MTMR3: variants seen among roughly 807,000 people sequenced by gnomAD.
MTMR3 encodes the protein myotubularin related protein 3, also known as phosphatidylinositol-3,5-bisphosphate 3-phosphatase MTMR3.
A neutral mutation model predicts 132.4 loss-of-function variants in MTMR3; 32 were observed. The ratio of observed to expected loss-of-function variants is 0.24; its 90% CI spans 0.18 to 0.32. The LOEUF (loss-of-function observed/expected upper bound fraction) is 0.32, where lower values mean the gene tolerates loss of function less well. Ranked by LOEUF, MTMR3 falls within the 10% of genes least tolerant of loss-of-function variation. The pLI is 1.00. For synonymous variants in MTMR3, 556 were observed against 550.3 expected, an observed-to-expected ratio of 1.01 and a Z score of -0.14; for missense variants, 1,216 against 1,489.6, an observed-to-expected ratio of 0.82 and a Z score of 3.02.
At chr22:29,966,900 CA>C (rs1165240169) in intron 2 of MTMR3, among the ~76,000 whole-genome samples, 1 of 152,080 alleles carries the variant, frequency 6.6e-6, no homozygotes, top group African/African-American at 2.4e-5. Context: ...TGAGTCTCTT[CA>C]AATTGACTCC....
At chr22:29,900,280 G>A (rs1167456001) in intron 1 of MTMR3, among the ~76,000 whole-genome samples, 1 of 152,066 alleles carries the variant, frequency 6.6e-6, no homozygotes, top group Non-Finnish European at 1.5e-5. Flanking sequence ...GTTTCTTTGG[G>A]TAAGTCATTT....
Position 30,023,596 on chromosome 22 carries a change from T to C in MTMR3, c.3425+899T>C, listed in dbSNP as rs1222731807. On this transcript the variant is annotated intron_variant, in intron 19 of 19. Transcript: ENST00000401950. The stretch of plus-strand genomic sequence containing the variant: ...CTTACTAGGGTGAAGCCTGGGGCCT[T>C]GGGTGCACAGGCAGATAGGTGGGCT... 5 of 1,320,902 alleles carry C rather than the reference T, an allele frequency of 3.8e-6. No homozygotes were observed. In the African/African-American group the frequency reaches 5.8e-5, roughly 15 times the overall value. 81.8% of individuals were successfully genotyped at this position (1,320,902 alleles called of 1,614,324 possible). A position where few individuals can be genotyped will look rare whatever the true frequency, so the allele number is the denominator to read the frequency against.
intron 1 of MTMR3, among the ~76,000 whole-genome samples, chr22:29,923,165 C>T (rs2065452039): frequency 6.6e-6 from 1 of 151,762 alleles, no homozygotes; most frequent in South Asian, 2.1e-4. Context: ...CCTCAGCCTC[C>T]TGAGTAGCTG....
chr22:29,891,113 AAAAG>A (rs2064789942), intron 1 of MTMR3, among the ~76,000 whole-genome samples: 1 of 142,644 alleles, frequency 7.0e-6, no homozygotes, highest in Admixed American at 7.2e-5. Context: ...AGAAAAGAGA[AAAAG>A]AAAAAAATTG....
chr22:30,017,702 A>C, intron 15 of MTMR3: 1 of 489,370 alleles, frequency 2.0e-6, no homozygotes, highest in African/African-American at 2.0e-5. Flanking sequence ...TTATATTTTC[A>C]TGCTCTCAAG....
At chr22:29,921,877 G>T (rs2065422356) in intron 1 of MTMR3, among the ~76,000 whole-genome samples, 1 of 142,064 alleles carries the variant, frequency 7.0e-6, no homozygotes. Context: ...GAGACAGAGT[G>T]TCACTCTATT....
intron 5 of MTMR3, chr22:29,979,823 A>G (rs539385446): frequency 1.3e-5 from 2 of 152,366 alleles, no homozygotes; most frequent in African/African-American, 2.4e-5. Flanking sequence ...GTATAAGTGT[A>G]GATGTTAAGT....
At chr22:29,902,797 C>A (rs898172248) in intron 1 of MTMR3, among the ~76,000 whole-genome samples, 12 of 152,182 alleles carry the variant, frequency 7.9e-5, no homozygotes, top group Admixed American at 7.2e-4. Flanking sequence ...AGCAGAGTTT[C>A]ATGTGAATAA....
chr22:29,959,378 T>A (rs1478762960), intron 2 of MTMR3, among the ~76,000 whole-genome samples: 1 of 152,132 alleles, frequency 6.6e-6, no homozygotes. Flanking sequence ...CTTTTTATTT[T>A]ATTTACGTAT....
Position 30,013,359 on chromosome 22 carries a change from T to C in MTMR3, c.1321T>C (p.Phe441Leu), listed in dbSNP as rs1254287166. 9 of 1,613,596 alleles carry C rather than the reference T, an allele frequency of 5.6e-6. No homozygotes were observed. Among genetic ancestry groups the C allele is most frequent in the Non-Finnish European group, 7.6e-6 (9 of 1,179,736 alleles). Residue 441 changes from phenylalanine (F) to leucine (L), a missense_variant, in exon 14 of 20, where the codon TTC becomes CTC. Coordinates refer to ENST00000401950, the MANE Select transcript of MTMR3 (RefSeq NM_021090.4). Reference sequence around the variant, plus strand: ...TCTCCTGGATGCTTCCCTGCAGGGTTTCCAGGTCCTCGTGGAAATGGAGTG... The same window carrying C: ...TCTCCTGGATGCTTCCCTGCAGGGTCTCCAGGTCCTCGTGGAAATGGAGTG... ...LDPYYRTIEGFQVLVEMEWLD... is the reference protein window; with the variant it reads ...LDPYYRTIEGLQVLVEMEWLD...
chr22:29,985,854 A>G (rs1316783088), intron 5 of MTMR3: 1 of 152,254 alleles, frequency 6.6e-6, no homozygotes, highest in Non-Finnish European at 1.5e-5. Context: ...AATTTTAGGT[A>G]GCAAATGTTT....
chr22:29,972,939 TTAAG>T (rs1288519813), intron 3 of MTMR3, among the ~76,000 whole-genome samples: 1 of 151,846 alleles, frequency 6.6e-6, no homozygotes, highest in African/African-American at 2.4e-5. Context: ...GATAAAATAA[TTAAG>T]TTTCTATTTT....
At chr22:29,921,393 G>A (rs1389412963) in intron 1 of MTMR3, among the ~76,000 whole-genome samples, 1 of 152,140 alleles carries the variant, frequency 6.6e-6, no homozygotes, top group African/African-American at 2.4e-5. Flanking sequence ...CTTCCACTAG[G>A]CGCCACCTCC....
intron 1 of MTMR3, among the ~76,000 whole-genome samples, chr22:29,931,751 G>A (rs550686988): frequency 3.4e-5 from 5 of 148,974 alleles, no homozygotes; most frequent in African/African-American, 7.4e-5. Context: ...TTCTATTTCC[G>A]TAGTCCTCCT....
chr22:29,962,883 A>G (rs1192697207), intron 2 of MTMR3, among the ~76,000 whole-genome samples: 1 of 151,154 alleles, frequency 6.6e-6, no homozygotes, highest in Non-Finnish European at 1.5e-5. Context: ...AGCATGTATC[A>G]GTACTTCATT....
intron 1 of MTMR3, among the ~76,000 whole-genome samples, chr22:29,951,375 G>C (rs1200098072): frequency 1.3e-5 from 2 of 152,132 alleles, no homozygotes; most frequent in Non-Finnish European, 2.9e-5. Context: ...AAAGGAAAAT[G>C]CTTGTAAAAT....
chr22:29,962,007 A>G (rs573051197), intron 2 of MTMR3, among the ~76,000 whole-genome samples: 98 of 152,336 alleles, frequency 6.4e-4, no homozygotes, highest in African/African-American at 2.3e-3. Context: ...TGTCCCATCT[A>G]GGTTTGTATA....
chr22:29,955,549 G>T (rs1286809900), intron 1 of MTMR3, among the ~76,000 whole-genome samples: 1 of 152,134 alleles, frequency 6.6e-6, no homozygotes, highest in Non-Finnish European at 1.5e-5. Flanking sequence ...ACTAAATACA[G>T]TTCGTCTCTG....
chr22:29,950,355 A>T (rs1411355878), intron 1 of MTMR3, among the ~76,000 whole-genome samples: 1 of 131,698 alleles, frequency 7.6e-6, no homozygotes, highest in African/African-American at 2.5e-5. Context: ...TCTGTTTTTT[A>T]TTTTTTTATT....
Sources: allele counts gnomAD v4.1 joint callset (sites outside exome capture counted in the v4.1 genomes callset), GRCh38; gene constraint gnomAD v4.1.1; transcripts MANE v1.5; gene names NCBI Gene and HGNC (gene_info 2026-07-23, HGNC 2026-07-21).